DSCAM: variants seen among roughly 807,000 people sequenced by gnomAD.
DSCAM encodes DS cell adhesion molecule, also known as cell adhesion molecule DSCAM.
A neutral mutation model predicts 217.7 loss-of-function variants in DSCAM; 47 were observed. The ratio of observed to expected loss-of-function variants is 0.22; its 90% CI spans 0.17 to 0.28. DSCAM has a LOEUF of 0.28. Among genes scored for constraint, DSCAM ranks in the 10% least tolerant of loss-of-function variants. The pLI is 1.00. For synonymous variants in DSCAM, 1,056 were observed against 1,015.3 expected (o/e 1.04, Z -0.76); for missense variants, 2,080 against 2,618.3 (o/e 0.79, Z 4.49).
At position 40,760,152 on chromosome 21, in the gene DSCAM, C is replaced by A. The variant is rs183464596; in HGVS notation, c.44-51381G>T. Among the ~76,000 whole-genome samples the A allele has an allele frequency of 7.2e-5, 11 of 152,028 alleles. No homozygotes were observed. In the East Asian group the frequency reaches 1.9e-3, roughly 27 times the overall value. On this transcript the variant is annotated intron_variant, in intron 1 of 32. Coordinates refer to ENST00000400454, the MANE Select transcript of DSCAM (RefSeq NM_001389.5). Reference sequence around the variant, plus strand: ...GGGACTACAGGTGCATGCCACCACACCCAGCTAATTTTTGAAATTTTTTTT... The same window carrying A: ...GGGACTACAGGTGCATGCCACCACAACCAGCTAATTTTTGAAATTTTTTTT...
chr21:40,828,625 T>C (rs2091988486), intron 1 of DSCAM, among the ~76,000 whole-genome samples: 2 of 149,584 alleles, frequency 1.3e-5, no homozygotes, highest in African/African-American at 4.9e-5. Flanking sequence ...GCCAATCACA[T>C]CCTCCCTCAG....
chr21:40,064,116 G>GTATA (rs35690892), intron 27 of DSCAM, among the ~76,000 whole-genome samples: 13,525 of 148,934 alleles, frequency 0.091, 1,046 homozygotes, highest in African/African-American at 0.21. Flanking sequence ...CACTTACAAA[G>GTATA]TATATATATA....
chr21:40,422,804 G>A (rs1466286980), intron 3 of DSCAM, among the ~76,000 whole-genome samples: 1 of 152,182 alleles, frequency 6.6e-6, no homozygotes, highest in Non-Finnish European at 1.5e-5. Context: ...GTTTTTCCAA[G>A]AAGTAAAGGT....
rs2074656425 is a variant in DSCAM, at chr21:40,353,492, T to C, written c.907A>G (p.Lys303Glu). The C allele has an allele frequency of 2.5e-6, 4 of 1,610,914 alleles. No homozygotes were observed. Among genetic ancestry groups the C allele is most frequent in the East Asian group, 4.5e-5 (2 of 44,786 alleles). The change falls in exon 5 of 33, where the codon AAG becomes GAG. Residue 303 changes from lysine to glutamate, a missense_variant. Lys to Glu is a moderately conservative substitution (Grantham distance 56, BLOSUM62 1). This residue lies in a region of DSCAM where 568 missense variants were observed against 678.1 expected (regional missense o/e 0.84). Coordinates refer to ENST00000400454, the MANE Select transcript of DSCAM (RefSeq NM_001389.5). ...TTCACGTACAGGCGGCCTATCACCTTAGCAGTTCCGTATCTGTTGGACACT... is the reference window on the plus strand; with the variant it reads ...TTCACGTACAGGCGGCCTATCACCTCAGCAGTTCCGTATCTGTTGGACACT... The part of the protein sequence containing the change: ...CEVSNRYGTA[K>E]VIGRLYVKQP...
At position 40,339,418 on chromosome 21, in the gene DSCAM, G is replaced by A; in HGVS notation, c.1211-3C>T. On this transcript the variant is annotated splice_polypyrimidine_tract_variant and splice_region_variant and intron_variant, in intron 6 of 32. Transcript: ENST00000400454. ...AGAAATAATTTTGGGAGTTCCATCT[G>A]CAGGAAAACAAATTATGGAAGAAAG... 3 of 1,592,276 alleles carry A rather than the reference G, an allele frequency of 1.9e-6. No individual in the cohort carries two copies. Among genetic ancestry groups the A allele is most frequent in the Non-Finnish European group, 2.6e-6 (3 of 1,169,062 alleles).
At chr21:40,598,509 T>G (rs74575883) in intron 3 of DSCAM, among the ~76,000 whole-genome samples, 1,642 of 137,912 alleles carry the variant, frequency 0.012, 19 homozygotes, top group South Asian at 0.035. Context: ...TTTTTTTTTT[T>G]TTTTTTTTTT....
chr21:40,290,768 G>T (rs1247318097), intron 10 of DSCAM, among the ~76,000 whole-genome samples: 1 of 152,152 alleles, frequency 6.6e-6, no homozygotes, highest in African/African-American at 2.4e-5. Flanking sequence ...TCTGTCCTTT[G>T]GGTGTAAAAA....
chr21:40,765,373 G>A (rs573290165), intron 1 of DSCAM, among the ~76,000 whole-genome samples: 1 of 151,996 alleles, frequency 6.6e-6, no homozygotes, highest in East Asian at 1.9e-4. Flanking sequence ...CTTCCGTGGG[G>A]CCTTTTGGTC....
intron 3 of DSCAM, among the ~76,000 whole-genome samples, chr21:40,668,234 C>G (rs2090227122): frequency 6.6e-6 from 1 of 151,422 alleles, no homozygotes; most frequent in African/African-American, 2.4e-5. Flanking sequence ...TGTCTTATGA[C>G]AATTTCCCCA....
At chr21:40,116,394 C>T (rs1184050041) in intron 20 of DSCAM, among the ~76,000 whole-genome samples, 1 of 152,192 alleles carries the variant, frequency 6.6e-6, no homozygotes, top group Non-Finnish European at 1.5e-5. Context: ...CAGGAATAGA[C>T]TTCCCAAGAA....
At chr21:40,777,156 T>C (rs2091495389) in intron 1 of DSCAM, among the ~76,000 whole-genome samples, 1 of 152,156 alleles carries the variant, frequency 6.6e-6, no homozygotes, top group African/African-American at 2.4e-5. Context: ...GGCGCCTTCA[T>C]GCTGTGTCCC....
chr21:40,726,470 A>G (rs745824325), intron 1 of DSCAM, among the ~76,000 whole-genome samples: 2 of 152,174 alleles, frequency 1.3e-5, no homozygotes, highest in Non-Finnish European at 2.9e-5. Flanking sequence ...CCATATCTAA[A>G]CTTGAAAGAT....
At position 40,402,688 on chromosome 21, in the gene DSCAM, T is replaced by C. The variant is rs570959895; in HGVS notation, c.509-33443A>G. Among the ~76,000 whole-genome samples, 31 of 151,724 alleles carry C rather than the reference T, an allele frequency of 2.0e-4. No individual in the cohort carries two copies. The East Asian group carries it at 5.2e-3, about 26-fold the overall frequency. Reference sequence around the variant, plus strand: ...GTCTTTTTTATTTGTTTTTTTTTTTTTAATTTATTGAGAGGAAGATTTAAC... The same window carrying C: ...GTCTTTTTTATTTGTTTTTTTTTTTCTAATTTATTGAGAGGAAGATTTAAC... On this transcript the variant is annotated intron_variant, in intron 3 of 32. Coordinates refer to ENST00000400454, the MANE Select transcript of DSCAM (RefSeq NM_001389.5).
chr21:40,461,832 G>A (rs1352470970), intron 3 of DSCAM, among the ~76,000 whole-genome samples: 1 of 152,206 alleles, frequency 6.6e-6, no homozygotes, highest in Non-Finnish European at 1.5e-5. Flanking sequence ...CTAATGGATT[G>A]TGAGTCAAGA....
Position 40,178,934 on chromosome 21 carries a change from G to A in DSCAM, c.2940C>T (p.Asp980=), listed in dbSNP as rs1347862161. 5 of 1,613,572 alleles carry A rather than the reference G, an allele frequency of 3.1e-6. No homozygotes were observed. Among genetic ancestry groups the A allele is most frequent in the Admixed American group, 1.7e-5 (1 of 60,000 alleles). ...EPSNELTITA[D]EAAPDGPPQE... ...CCGCCCGGTCCCACGTACCTGCCTCGTCCGCCGTGATGGTGAGCTCGTTGC... is the reference window on the plus strand; with the variant it reads ...CCGCCCGGTCCCACGTACCTGCCTCATCCGCCGTGATGGTGAGCTCGTTGC... Residue 980 remains aspartate (D), a synonymous_variant, in exon 15 of 33, where the codon GAC becomes GAT. Coordinates refer to ENST00000400454, the MANE Select transcript of DSCAM (RefSeq NM_001389.5).
At chr21:40,433,174 C>T (rs1254415934) in intron 3 of DSCAM, among the ~76,000 whole-genome samples, 3 of 151,782 alleles carry the variant, frequency 2.0e-5, no homozygotes, top group African/African-American at 4.8e-5. Context: ...CTGGCCAACA[C>T]GGTGAAACCC....
intron 10 of DSCAM, among the ~76,000 whole-genome samples, chr21:40,289,144 C>T (rs369916193): frequency 6.6e-6 from 1 of 152,192 alleles, no homozygotes; most frequent in Non-Finnish European, 1.5e-5. Context: ...AAAAATGTAA[C>T]CTCTATTTCC....
At chr21:40,259,535 G>A (rs371106865) in intron 11 of DSCAM, among the ~76,000 whole-genome samples, 1 of 152,042 alleles carries the variant, frequency 6.6e-6, no homozygotes, top group Non-Finnish European at 1.5e-5. Context: ...GTAAAGAGGC[G>A]ATGCATCTGG....
At chr21:40,221,504 A>G (rs945439571) in intron 11 of DSCAM, among the ~76,000 whole-genome samples, 2 of 149,574 alleles carry the variant, frequency 1.3e-5, no homozygotes, top group Non-Finnish European at 3.0e-5. Context: ...TATAATATAC[A>G]TATAAATAGT....
Sources: gnomAD v4.1 joint callset for allele counts (sites outside exome capture counted in the v4.1 genomes callset) on GRCh38, gnomAD v4.1.1 for gene constraint, gnomAD v4.1.1 regional missense constraint, MANE v1.5 for transcripts, NCBI Gene and HGNC (gene_info 2026-07-23, HGNC 2026-07-21) for gene names.